CFP: variants seen among roughly 807,000 people sequenced by gnomAD.
The protein encoded by CFP is complement factor properdin.
In CFP, 14 loss-of-function variants were observed where a neutral mutation model predicts 42.1. The ratio of observed to expected loss-of-function variants is 0.33; its 90% CI spans 0.22 to 0.52. The LOEUF (loss-of-function observed/expected upper bound fraction) is 0.52. CFP is among the 20% of genes least tolerant of loss of function. The pLI is 0.96. For synonymous variants in CFP, 149 were observed against 160.6 expected (o/e 0.93, Z 0.54); for missense variants, 318 against 400.4 (o/e 0.79, Z 1.76).
In CFP at chrX:47,626,819, G is replaced by A. The variant is rs1404194508; in HGVS notation, c.894C>T (p.Gly298=). 4.1e-6 allele frequency: 5 copies of A among 1,210,208 alleles called. No homozygotes were observed. Among genetic ancestry groups the A allele is most frequent in the Non-Finnish European group, 4.5e-6 (4 of 894,907 alleles). The change falls in exon 6 of 9, where the codon GGC becomes GGT. Residue 298 remains glycine, a synonymous_variant. Coordinates refer to ENST00000396992, the MANE Select transcript of CFP (RefSeq NM_001145252.3). ...TGCAGATGTGGGTCCGGGTGGCATC[G>A]CCAGCACAGAAGGGGCCCCCATGCT... ...VPQHGGPFCA[G]DATRTHICNT...
Position 47,627,616 on chromosome X carries a change from C to A in CFP, c.429G>T (p.Gly143=). The change falls in exon 4 of 9, where the codon GGG becomes GGT. Residue 143 remains glycine, a synonymous_variant. Coordinates refer to ENST00000396992, the MANE Select transcript of CFP (RefSeq NM_001145252.3). ...CPEMGGWSGW[G]PWEPCSVTCS... is the part of the protein sequence containing the mutation. ...AGGTGACAGAGCAAGGCTCCCAGGG[C>A]CCCCAGCCAGACCAGCCGCCCATCT... The A allele has an allele frequency of 2.5e-6, 3 of 1,199,992 alleles. No homozygotes were observed. Among genetic ancestry groups the A allele is most frequent in the South Asian group, 1.8e-5 (1 of 55,583 alleles).
chrX:47,626,942 A>G lies in CFP; in HGVS notation c.771T>C (p.Ala257=). Residue 257 remains alanine, a synonymous_variant, in exon 6 of 9, where the codon GCT becomes GCC. Transcript: ENST00000396992. The part of the protein sequence containing the change: ...RCTGLPPCPV[A]GGWGPWGPVS... ...CAGGGCCCCAAGGCCCCCAGCCCCC[A>G]GCCACTGTTGGAGGAGGAAAGGGAG... 8.5e-7 allele frequency: 1 copy of G among 1,180,094 alleles called. No homozygotes were observed. Among genetic ancestry groups the G allele is most frequent in the South Asian group, 1.9e-5 (1 of 53,794 alleles).
In CFP at chrX:47,628,224, G is replaced by A. The variant is rs1465013743; in HGVS notation, c.281C>T (p.Ser94Phe). The A allele has an allele frequency of 3.3e-6, 4 of 1,211,212 alleles. No homozygotes were observed. The highest frequency in any genetic ancestry group is 4.5e-6 in the Non-Finnish European group (4 of 895,231). The change falls in exon 3 of 9, where the codon TCT becomes TTT. Residue 94 changes from serine to phenylalanine, a missense_variant. Ser to Phe is a radical substitution (Grantham distance 155, BLOSUM62 -2). Coordinates refer to ENST00000396992, the MANE Select transcript of CFP (RefSeq NM_001145252.3). The stretch of plus-strand genomic sequence containing the variant: ...CCGGTACCGCAGCTGGGAGCCCTCA[G>A]AGCACGTCACCGAACAGGGGGCCCA... Reference protein sequence around the residue: ...STWAPCSVTCSEGSQLRYRRC... With the variant: ...STWAPCSVTCFEGSQLRYRRC...
Position 47,626,128 on chromosome X carries a change from T to G in CFP, c.1174A>C (p.Met392Leu). The G allele has an allele frequency of 8.5e-7, 1 of 1,177,903 alleles. No individual in the cohort carries two copies. The highest frequency in any genetic ancestry group is 1.1e-6 in the Non-Finnish European group (1 of 877,501). The part of the protein sequence containing the change: ...WSEWSTWGLC[M>L]PPCGPNPTRA... ...GTAGGATTAGGTCCACAGGGGGGCA[T>G]GCACAGCCCCCAGGTACTCCACTCT... The change falls in exon 8 of 9, where the codon ATG becomes CTG. Residue 392 changes from methionine to leucine, a missense_variant. By Grantham distance (15) the Met-to-Leu change is conservative. Transcript: ENST00000396992.
At chrX:47,624,755 G>C (rs921129244) in intron 8 of CFP, 10 of 187,613 alleles carry the variant, frequency 5.3e-5, no homozygotes, top group Non-Finnish European at 9.7e-5. Flanking sequence ...TAGGATATTG[G>C]GCAATTTCTT....
rs995194987 is a variant in CFP at position 47,623,884 on chromosome X, G to A, written c.*391C>T. On this transcript the variant is annotated 3_prime_UTR_variant, in exon 9 of 9. Transcript: ENST00000396992. Reference sequence around the variant, plus strand: ...GGGGAGACAACGAACAAGCACGCCGGCCAATCAAGAAGTGCCTGCCAGGAC... The same window carrying A: ...GGGGAGACAACGAACAAGCACGCCGACCAATCAAGAAGTGCCTGCCAGGAC... The A allele has an allele frequency of 6.7e-4, 108 of 162,009 alleles. No individual in the cohort carries two copies. The highest frequency in any genetic ancestry group is 3.2e-3 in the African/African-American group (105 of 32,686). 13.4% of individuals were successfully genotyped at this position (162,009 alleles called of 1,213,427 possible). A position where few individuals can be genotyped will look rare whatever the true frequency, so the allele number is the denominator to read the frequency against.
Position 47,629,824 on chromosome X carries a change from C to T in CFP, c.21G>A (p.Gln7=). 1 of 1,167,862 alleles carries T rather than the reference C, an allele frequency of 8.6e-7. No individual in the cohort carries two copies. The highest frequency in any genetic ancestry group is 1.1e-6 in the Non-Finnish European group (1 of 873,135). The change falls in exon 1 of 9, where the codon CAG becomes CAA. Residue 7 remains glutamine (Q), a synonymous_variant. Coordinates refer to ENST00000396992, the MANE Select transcript of CFP (RefSeq NM_001145252.3). MITEGA[Q]APRLLLPPLL... ...GCGGCGGCAGCAACAATCGAGGGGC[C>T]TGCGCTCCCTCTGTGATCATGTTGA... is the stretch of plus-strand genomic sequence containing the variant.
intron 8 of CFP, 53 bp from the exon 9 acceptor site, chrX:47,624,493 G>T: frequency 9.7e-7 from 1 of 1,035,714 alleles, no homozygotes. Context: ...GGGAAGGCAA[G>T]AATGCATTCA....
chrX:47,628,642 C>T lies in CFP; in HGVS notation c.228-365G>A, dbSNP rs933275157. 2.0e-4 allele frequency: 71 copies of T among 351,412 alleles called. No individual in the cohort carries two copies. The Admixed American group carries it at 2.2e-3, about 11-fold the overall frequency. The allele number at this position is 351,412 out of a possible 1,213,427, so 29.0% of individuals were successfully genotyped here. On this transcript the variant is annotated intron_variant, in intron 2 of 8. Transcript: ENST00000396992. The stretch of plus-strand genomic sequence containing the variant: ...TAGAAAGTGCTTAATAAACCTGAGC[C>T]ATCATCCCTATGACCTCAGAGGCCT...
Position 47,629,903 on chromosome X carries a change from T to C in CFP, c.-59A>G, listed in dbSNP as rs1404911825. Reference sequence around the variant, plus strand: ...GGAGGTCCCGCTTTATCTGGGTTGATAGGCTCCTGGAATCAGCAGGGAAAG... The same window carrying C: ...GGAGGTCCCGCTTTATCTGGGTTGACAGGCTCCTGGAATCAGCAGGGAAAG... On this transcript the variant is annotated 5_prime_UTR_variant, in exon 1 of 9. Coordinates refer to ENST00000396992, the MANE Select transcript of CFP (RefSeq NM_001145252.3). 9.0e-7 allele frequency: 1 copy of C among 1,116,287 alleles called. No homozygotes were observed. The highest frequency in any genetic ancestry group is 2.6e-5 in the Admixed American group (1 of 38,669). The allele number at this position is 1,116,287 out of a possible 1,213,427, so 92.0% of individuals were successfully genotyped here.
At position 47,627,752 on chromosome X, in the gene CFP, A is replaced by G. The variant is rs893040432; in HGVS notation, c.404-111T>C. ...TCCTGTCCTTATATCCTCTGCCACC[A>G]TTCTGGGCCCACCATCCCCGCTCAC... is the stretch of plus-strand genomic sequence containing the variant. On this transcript the variant is annotated intron_variant, in intron 3 of 8. Coordinates refer to ENST00000396992, the MANE Select transcript of CFP (RefSeq NM_001145252.3). 18 of 838,655 alleles carry G rather than the reference A, an allele frequency of 2.1e-5. 1 individual carries two copies. The highest frequency in any genetic ancestry group is 8.7e-4 in the Middle Eastern group (2 of 2,297). 69.1% of individuals were successfully genotyped at this position (838,655 alleles called of 1,213,427 possible).
chrX:47,628,367 G>T, intron 2 of CFP, 90 bp from the exon 3 acceptor site: 1 of 939,064 alleles, frequency 1.1e-6, no homozygotes, highest in Non-Finnish European at 1.5e-6. Flanking sequence ...ACGAAGGGTT[G>T]CTAGGCAAGT....
chrX:47,627,190 C>T lies in CFP; in HGVS notation c.717G>A (p.Pro239=), dbSNP rs781177696. 29 of 1,210,607 alleles carry T rather than the reference C, an allele frequency of 2.4e-5. No homozygotes were observed. In the East Asian group the frequency reaches 6.2e-4, roughly 26 times the overall value. The change falls in exon 5 of 9, where the codon CCG becomes CCA. Residue 239 remains proline, a synonymous_variant. Transcript: ENST00000396992. ...ACCTCCGCTGCTCGTAGGCTAGCCC[C>T]GGGCAGGGCTTCCCAGGAGGTTTCT... is the stretch of plus-strand genomic sequence containing the variant. ...PSQKPPGKPC[P]GLAYEQRRCT...
rs758670583 is a variant in CFP, at chrX:47,629,654, A to G, written c.97T>C (p.Phe33Leu). ...PATGSDPVLC[F>L]TQYEESSGKC... The stretch of plus-strand genomic sequence containing the variant: ...CCGGAGGATTCTTCATACTGGGTGA[A>G]GCAGAGCACGGGGTCTGAGCCTGTA... Residue 33 changes from phenylalanine to leucine, a missense_variant, in exon 2 of 9, where the codon TTC becomes CTC. Coordinates refer to ENST00000396992, the MANE Select transcript of CFP (RefSeq NM_001145252.3). The G allele has an allele frequency of 7.2e-6, 8 of 1,118,694 alleles. No individual in the cohort carries two copies. The highest frequency in any genetic ancestry group is 2.4e-6 in the Non-Finnish European group (2 of 840,571). 92.2% of individuals were successfully genotyped at this position (1,118,694 alleles called of 1,213,427 possible).
At chrX:47,626,747 C>A (rs1569335593) in intron 6 of CFP, 26 bp downstream of exon 6, 1 of 1,190,827 alleles carries the variant, frequency 8.4e-7, no homozygotes, top group Non-Finnish European at 1.1e-6. Flanking sequence ...CTTAGGCATG[C>A]AAATCGTGAA....
chrX:47,630,017 A>T (rs1322694431), upstream of CFP: 1 of 489,220 alleles, frequency 2.0e-6, no homozygotes, highest in Non-Finnish European at 3.5e-6. Flanking sequence ...TCCCCTCCCC[A>T]TTTCCTGTCT....
In CFP at chrX:47,629,804, G is replaced by A. The variant is rs760251844; in HGVS notation, c.41C>T (p.Pro14Leu). 3.4e-6 allele frequency: 4 copies of A among 1,166,366 alleles called. No homozygotes were observed. The highest frequency in any genetic ancestry group is 1.9e-5 in the South Asian group (1 of 52,580). The part of the protein sequence containing the change: ...EGAQAPRLLL[P>L]PLLLLLTLPA... ...CAGGGTGAGCAGCAGGAGCAGCGGCGGCAGCAACAATCGAGGGGCCTGCGC... is the reference window on the plus strand; with the variant it reads ...CAGGGTGAGCAGCAGGAGCAGCGGCAGCAGCAACAATCGAGGGGCCTGCGC... Residue 14 changes from proline (P) to leucine (L), a missense_variant, in exon 1 of 9, where the codon CCG (proline) becomes CTG (leucine). By Grantham distance (98) the Pro-to-Leu change is moderately conservative. Transcript: ENST00000396992.
intron 8 of CFP, 115 bp from the exon 9 acceptor site, chrX:47,624,555 TTTTCC>T: frequency 1.7e-6 from 1 of 576,969 alleles, no homozygotes; most frequent in Non-Finnish European, 2.5e-6. Flanking sequence ...TTTTTTTTTT[TTTTCC>T]TTTTTTTTTT....
At position 47,623,354 on chromosome X, in the gene CFP, C is replaced by A. The variant is rs997351882; in HGVS notation, c.*921G>T. The A allele has an allele frequency of 3.6e-5, 4 of 112,127 alleles. No homozygotes were observed. Among genetic ancestry groups the A allele is most frequent in the African/African-American group, 1.3e-4 (4 of 30,763 alleles). The allele number at this position is 112,127 out of a possible 1,213,427, so 9.2% of individuals were successfully genotyped here. On this transcript the variant is annotated 3_prime_UTR_variant, in exon 9 of 9. Transcript: ENST00000396992. Reference sequence around the variant, plus strand: ...TCTTCTTCTCTATTCTCCGTGATGTCCAGCACTATTGTTAGTATACAGTAG... The same window carrying A: ...TCTTCTTCTCTATTCTCCGTGATGTACAGCACTATTGTTAGTATACAGTAG...
Sources: allele counts gnomAD v4.1 joint callset, GRCh38; gene constraint gnomAD v4.1.1; transcripts MANE v1.5; gene names NCBI Gene and HGNC (gene_info 2026-07-23, HGNC 2026-07-21).